PRMT7: variants seen among roughly 807,000 people sequenced by gnomAD.
PRMT7 encodes protein arginine N-methyltransferase 7.
A neutral mutation model predicts 85.4 loss-of-function variants in PRMT7; 75 were observed. That is an observed-to-expected ratio of 0.88 (90% CI 0.73 to 1.06). PRMT7 has a LOEUF of 1.06. Among genes scored for constraint, PRMT7 ranks in the 50% least tolerant of loss-of-function variants. The pLI is 0.00. For synonymous variants in PRMT7, 397 were observed against 359.5 expected, an observed-to-expected ratio of 1.10 and a Z score of -1.18; for missense variants, 868 against 915.2, an observed-to-expected ratio of 0.95 and a Z score of 0.67.
chr16:68,356,812 C>T lies in PRMT7; in HGVS notation c.1908+15C>T. The T allele has an allele frequency of 6.3e-7, 1 of 1,595,712 alleles. No individual in the cohort carries two copies. Among genetic ancestry groups the T allele is most frequent in the Non-Finnish European group, 8.5e-7 (1 of 1,171,900 alleles). ...CAGACCCCGAGGTAGTGCCTGCGCA[C>T]CGGGCCCAGTGTGCGTGCAGACCCT... On this transcript the variant is annotated intron_variant, in intron 18 of 18. Coordinates refer to ENST00000441236, the MANE Select transcript of PRMT7 (RefSeq NM_019023.5).
At chr16:68,328,294 A>G (rs1480926968) in intron 5 of PRMT7, 3 of 157,678 alleles carry the variant, frequency 1.9e-5, no homozygotes, top group Non-Finnish European at 2.8e-5. Flanking sequence ...GCCCTTCGTC[A>G]AATTCCCTGT....
At chr16:68,322,892 G>A (rs915758696) in intron 4 of PRMT7, among the ~76,000 whole-genome samples, 1 of 152,050 alleles carries the variant, frequency 6.6e-6, no homozygotes, top group Non-Finnish European at 1.5e-5. Flanking sequence ...AAAGCCGAGC[G>A]TGGTGGCGGG....
rs75085115 is a variant in PRMT7 at position 68,340,551 on chromosome 16, C to T, written c.927+583C>T. Among the ~76,000 whole-genome samples, 26 of 150,962 alleles carry T rather than the reference C, an allele frequency of 1.7e-4. No homozygotes were observed. In the East Asian group the frequency reaches 1.8e-3, roughly 10 times the overall value. ...AGTCGGGACTGCATTACTGCACTCCCGCCTGGGCAATAAGATGAGAACCTG... is the reference window on the plus strand; with the variant it reads ...AGTCGGGACTGCATTACTGCACTCCTGCCTGGGCAATAAGATGAGAACCTG... On this transcript the variant is annotated intron_variant, in intron 9 of 18. Coordinates refer to ENST00000441236, the MANE Select transcript of PRMT7 (RefSeq NM_019023.5).
At chr16:68,358,630 A>C (rs1707760515), downstream of PRMT7, 1 of 152,690 alleles carries the variant, frequency 6.5e-6, no homozygotes, top group South Asian at 2.1e-4. Context: ...AAAAGCATCA[A>C]GATTAATATA....
At position 68,337,582 on chromosome 16, in the gene PRMT7, G is replaced by T. The variant is rs1181130035; in HGVS notation, c.504+11G>T. The T allele has an allele frequency of 6.3e-7, 1 of 1,582,338 alleles. No homozygotes were observed. The highest frequency in any genetic ancestry group is 2.3e-5 in the East Asian group (1 of 44,358). On this transcript the variant is annotated intron_variant, in intron 7 of 18. Coordinates refer to ENST00000441236, the MANE Select transcript of PRMT7 (RefSeq NM_019023.5). ...AGGCATCTCGTGGAGGTAGTAGACGGAGGGCTCCCTCAGACGTGTCTGTGG... is the reference window on the plus strand; with the variant it reads ...AGGCATCTCGTGGAGGTAGTAGACGTAGGGCTCCCTCAGACGTGTCTGTGG...
chr16:68,349,222 C>T lies in PRMT7; in HGVS notation c.1413+791C>T, dbSNP rs1008619443. On this transcript the variant is annotated intron_variant, in intron 14 of 18. Transcript: ENST00000441236. ...TGCTGGGGAGGTCGCTTTCCCCTCA[C>T]CTTCCTGGCTGCTCCTTACCTTGCA... Among the ~76,000 whole-genome samples the T allele has an allele frequency of 3.3e-5, 5 of 152,268 alleles. No homozygotes were observed. The East Asian group carries it at 5.8e-4, about 18-fold the overall frequency.
At position 68,315,887 on chromosome 16, in the gene PRMT7, A is replaced by G; in HGVS notation, c.-83-10A>G. The G allele has an allele frequency of 9.9e-7, 1 of 1,008,768 alleles. No individual in the cohort carries two copies. Among genetic ancestry groups the G allele is most frequent in the African/African-American group, 1.6e-5 (1 of 63,188 alleles). The allele number at this position is 1,008,768 out of a possible 1,614,324, so 62.5% of individuals were successfully genotyped here. A position where few individuals can be genotyped will look rare whatever the true frequency, so the allele number is the denominator to read the frequency against. On this transcript the variant is annotated splice_polypyrimidine_tract_variant and intron_variant, in intron 2 of 18. Transcript: ENST00000441236. ...TTTATATACCTCCTGTTTCCTTCTG[A>G]TGTTAATAGATTTCTGACAGTCAGA...
chr16:68,333,718 G>A (rs2084252144), intron 6 of PRMT7, among the ~76,000 whole-genome samples: 1 of 152,042 alleles, frequency 6.6e-6, no homozygotes, highest in African/African-American at 2.4e-5. Context: ...CTGCCTCCAG[G>A]CAGCATTGTT....
chr16:68,338,920 A>G (rs1216304086), intron 7 of PRMT7, among the ~76,000 whole-genome samples: 2 of 152,116 alleles, frequency 1.3e-5, no homozygotes, highest in African/African-American at 4.8e-5. Context: ...GCGGCGCTAG[A>G]GGGCTGGGCA....
intron 12 of PRMT7, 84 bp downstream of exon 12, chr16:68,347,378 C>T (rs1322880036): frequency 1.5e-6 from 2 of 1,375,700 alleles, no homozygotes; most frequent in Non-Finnish European, 2.0e-6. Flanking sequence ...ATTCTGTGAT[C>T]AAGGCTCTTT....
intron 3 of PRMT7, among the ~76,000 whole-genome samples, chr16:68,317,359 G>A (rs2081987887): frequency 6.6e-6 from 1 of 152,084 alleles, no homozygotes. Flanking sequence ...AGTTCTAAAG[G>A]AAGAGAAGGT....
At chr16:68,332,171 T>G (rs955769913) in intron 6 of PRMT7, among the ~76,000 whole-genome samples, 9 of 152,344 alleles carry the variant, frequency 5.9e-5, no homozygotes, top group African/African-American at 1.9e-4. Flanking sequence ...AAGTCAGGCC[T>G]TCTCAACAGT....
Position 68,352,367 on chromosome 16 carries a change from GC to G in PRMT7, c.1537del (p.Gln513ArgfsTer36). On this transcript the variant is annotated frameshift_variant, in exon 15 of 19. Transcript: ENST00000441236. LOFTEE classifies it high-confidence loss of function. ...ACCTGGGGCCAGGTGCCATGGTGATGCCCCAGGCAGCCTCGCTGCACGCTGT... is the reference window on the plus strand; with the variant it reads ...ACCTGGGGCCAGGTGCCATGGTGATGCCCAGGCAGCCTCGCTGCACGCTGT... ...QHLGPGAMVM[P>X]QAASLHAVVV... 1.2e-6 allele frequency: 2 copies of G among 1,609,862 alleles called. No homozygotes were observed.
At position 68,339,484 on chromosome 16, in the gene PRMT7, C is replaced by T. The variant is rs143966311; in HGVS notation, c.667C>T (p.Pro223Ser). 5.0e-6 allele frequency: 8 copies of T among 1,614,056 alleles called. No individual in the cohort carries two copies. In the African/African-American group the frequency reaches 1.1e-4, roughly 22 times the overall value. Residue 223 changes from proline to serine, a missense_variant, in exon 8 of 19, where the codon CCC becomes TCC. Pro to Ser is a moderately conservative substitution (Grantham distance 74, BLOSUM62 -1). Transcript: ENST00000441236. ...TGACGTGGAGAGCTGCCCTGGCGCA[C>T]CCTCTGTCTGTGACATTCAGCTGAA... ...PVDVESCPGA[P>S]SVCDIQLNQV...
chr16:68,341,245 C>T (rs1048129086), intron 9 of PRMT7, among the ~76,000 whole-genome samples: 2 of 152,182 alleles, frequency 1.3e-5, no homozygotes, highest in African/African-American at 2.4e-5. Context: ...AAAGGTGTGT[C>T]GGAATTGCCT....
At chr16:68,329,266 C>A in intron 6 of PRMT7, 92 bp downstream of exon 6, 3 of 958,936 alleles carry the variant, frequency 3.1e-6, no homozygotes, top group South Asian at 1.4e-5. Flanking sequence ...AAATCCAGGT[C>A]ATAGCATAGA....
chr16:68,327,161 C>T (rs1012913967), intron 5 of PRMT7, among the ~76,000 whole-genome samples: 5 of 152,072 alleles, frequency 3.3e-5, no homozygotes, highest in African/African-American at 1.2e-4. Flanking sequence ...GCATTTGTCC[C>T]TTGATTATAG....
chr16:68,318,445 C>T (rs965869624), intron 3 of PRMT7, among the ~76,000 whole-genome samples: 3 of 152,114 alleles, frequency 2.0e-5, no homozygotes, highest in East Asian at 1.9e-4. Flanking sequence ...GTGATCCGCC[C>T]GCCTCGGCCT....
chr16:68,328,853 A>T (rs777812076), intron 5 of PRMT7, among the ~76,000 whole-genome samples: 3 of 152,140 alleles, frequency 2.0e-5, no homozygotes, highest in African/African-American at 7.2e-5. Context: ...GATCCCCGGC[A>T]TCCCCGCTGT....
Sources: allele counts gnomAD v4.1 joint callset (sites outside exome capture counted in the v4.1 genomes callset), GRCh38; gene constraint gnomAD v4.1.1; transcripts MANE v1.5; gene names NCBI Gene and HGNC (gene_info 2026-07-23, HGNC 2026-07-21).